The following RIMS1 variants were observed in gnomAD, a reference collection of about 807,000 sequenced individuals.
RIMS1 encodes the protein regulating synaptic membrane exocytosis protein 1.
RIMS1 carries 83 observed loss-of-function variants against 214.1 expected under a neutral mutation model. The ratio of observed to expected loss-of-function variants is 0.39; its 90% CI spans 0.32 to 0.47. The LOEUF (loss-of-function observed/expected upper bound fraction) is 0.47. Among genes scored for constraint, RIMS1 ranks in the 20% least tolerant of loss-of-function variants. RIMS1 has a pLI of 0.99. For synonymous variants in RIMS1, 793 were observed against 786.8 expected, an observed-to-expected ratio of 1.01 and a Z score of -0.13; for missense variants, 2,050 against 2,161.8, an observed-to-expected ratio of 0.95 and a Z score of 1.03.
chr6:72,246,985 A>AGAAAAAAATGT (rs1468804632), intron 11 of RIMS1, among the ~76,000 whole-genome samples: 7 of 152,188 alleles, frequency 4.6e-5, no homozygotes, highest in African/African-American at 1.7e-4. Flanking sequence ...TTGTACTTAT[A>AGAAAAAAATGT]GAAAAAAATG....
intron 8 of RIMS1, 148 bp downstream of exon 8, chr6:72,235,876 A>C (rs1335776345): frequency 1.1e-5 from 4 of 370,292 alleles, no homozygotes; most frequent in African/African-American, 5.3e-5. Context: ...AGGAAAATTG[A>C]ATAAAATTTA....
intron 22 of RIMS1, chr6:72,266,277 G>A (rs902697656): frequency 4.9e-5 from 27 of 550,050 alleles, no homozygotes; most frequent in Non-Finnish European, 6.9e-5. Flanking sequence ...TGCAAATGGC[G>A]TGGTGTAATT....
chr6:72,095,818 C>G lies in RIMS1; in HGVS notation c.246-1131C>G, dbSNP rs76759665. 7.2e-3 allele frequency among the ~76,000 whole-genome samples: 1,089 copies of G among 152,292 alleles called. 12 individuals carry two copies. The highest frequency in any genetic ancestry group is 0.055 in the East Asian group (287 of 5,178). On this transcript the variant is annotated intron_variant, in intron 2 of 33. Transcript: ENST00000521978. Reference sequence around the variant, plus strand: ...AACTAACTGCCTGAATTAACAAAAGCATCTGTGTACTCTGTGTCCTAGGGA... The same window carrying G: ...AACTAACTGCCTGAATTAACAAAAGGATCTGTGTACTCTGTGTCCTAGGGA...
chr6:72,182,756 T>G lies in RIMS1; in HGVS notation c.1285T>G (p.Ser429Ala), dbSNP rs746763027. Reference protein sequence around the residue: ...ASPPDSPRAYSAERTAETRAP... With the variant: ...ASPPDSPRAYAAERTAETRAP... ...GCCGCCGGACTCGCCGCGGGCTTAC[T>G]CGGCTGAGAGAACTGCGGAGACCAG... Residue 429 changes from serine (S) to alanine (A), a missense_variant, in exon 6 of 34, where the codon TCG becomes GCG. Physicochemically the swap from Ser to Ala is moderately conservative, Grantham distance 99 (BLOSUM62 1). This residue lies in a region of RIMS1 where 882 missense variants were observed against 828.9 expected (regional missense o/e 1.06). Coordinates refer to ENST00000521978, the MANE Select transcript of RIMS1 (RefSeq NM_014989.7). 5.8e-5 allele frequency: 89 copies of G among 1,543,432 alleles called. No individual in the cohort carries two copies. Among genetic ancestry groups the G allele is most frequent in the Non-Finnish European group, 7.4e-5 (85 of 1,148,692 alleles).
At chr6:72,190,209 A>C (rs949622823) in intron 6 of RIMS1, among the ~76,000 whole-genome samples, 1 of 152,112 alleles carries the variant, frequency 6.6e-6, no homozygotes, top group East Asian at 1.9e-4. Flanking sequence ...CATGCCTGTA[A>C]TCCCAGCACT....
chr6:72,072,069 G>A (rs1830699498), intron 2 of RIMS1, among the ~76,000 whole-genome samples: 1 of 152,168 alleles, frequency 6.6e-6, no homozygotes, highest in Admixed American at 6.5e-5. Context: ...CTCACAAGGT[G>A]ATTCCCTTAT....
intron 4 of RIMS1, among the ~76,000 whole-genome samples, chr6:72,105,681 T>C (rs112692334): frequency 0.02 from 3,056 of 152,310 alleles, 37 homozygotes; most frequent in Non-Finnish European, 0.029. Context: ...TATATGCATA[T>C]GTATACGTAT....
At chr6:72,229,863 C>A (rs2061410634) in intron 6 of RIMS1, among the ~76,000 whole-genome samples, 1 of 151,704 alleles carries the variant, frequency 6.6e-6, no homozygotes, top group South Asian at 2.1e-4. Flanking sequence ...GTATTTAACT[C>A]ACGTATGCTG....
intron 2 of RIMS1, among the ~76,000 whole-genome samples, chr6:71,972,776 A>C (rs539557894): frequency 6.6e-6 from 1 of 152,334 alleles, no homozygotes; most frequent in Admixed American, 6.5e-5. Flanking sequence ...GGGGAGGAGA[A>C]GATAGATAAT....
chr6:72,199,696 T>A (rs1461857342), intron 6 of RIMS1, among the ~76,000 whole-genome samples: 1 of 152,108 alleles, frequency 6.6e-6, no homozygotes, highest in African/African-American at 2.4e-5. Flanking sequence ...GAGGATTAAG[T>A]ATGTTTAAAT....
chr6:72,380,562 A>G (rs890273600), intron 29 of RIMS1, among the ~76,000 whole-genome samples: 2 of 152,198 alleles, frequency 1.3e-5, no homozygotes, highest in African/African-American at 4.8e-5. Flanking sequence ...CTTAGACCAA[A>G]GAAGAGTAAA....
At chr6:72,124,321 A>G (rs1447004629) in intron 4 of RIMS1, among the ~76,000 whole-genome samples, 2 of 151,890 alleles carry the variant, frequency 1.3e-5, no homozygotes, top group Non-Finnish European at 2.9e-5. Context: ...TCTGGCTTGT[A>G]GAGTTTCTGC....
intron 22 of RIMS1, among the ~76,000 whole-genome samples, chr6:72,269,375 C>T (rs1298725044): frequency 6.6e-6 from 1 of 152,144 alleles, no homozygotes; most frequent in Non-Finnish European, 1.5e-5. Context: ...CCTAGCTCCA[C>T]CTCCAGTTTT....
At chr6:72,003,115 G>A (rs1805901687) in intron 2 of RIMS1, among the ~76,000 whole-genome samples, 1 of 152,094 alleles carries the variant, frequency 6.6e-6, no homozygotes, top group Admixed American at 6.5e-5. Context: ...AGATGAGGGA[G>A]GACTCAAAAT....
chr6:72,033,929 G>A (rs1463578965), intron 2 of RIMS1, among the ~76,000 whole-genome samples: 1 of 152,152 alleles, frequency 6.6e-6, no homozygotes, highest in South Asian at 2.1e-4. Context: ...CCCATAGCCT[G>A]TTTGAATAGT....
chr6:72,370,303 T>C (rs2098175630), intron 29 of RIMS1, among the ~76,000 whole-genome samples: 1 of 152,224 alleles, frequency 6.6e-6, no homozygotes, highest in African/African-American at 2.4e-5. Flanking sequence ...ATCTCAGGTA[T>C]TTCAAGACAC....
intron 29 of RIMS1, among the ~76,000 whole-genome samples, chr6:72,344,473 A>G (rs552259120): frequency 1.4e-4 from 21 of 151,948 alleles, no homozygotes; most frequent in Non-Finnish European, 2.7e-4. Flanking sequence ...AAGTTTCAGA[A>G]ACTGAAAGCT....
chr6:72,263,804 A>AAAACACACAC (rs1420995430), intron 19 of RIMS1: 1 of 120,168 alleles, frequency 8.3e-6, no homozygotes, highest in African/African-American at 8.8e-5. Context: ...TCTCTACTAA[A>AAAACACACAC]ACACACACAC....
intron 2 of RIMS1, among the ~76,000 whole-genome samples, chr6:72,022,491 G>T (rs1469112056): frequency 2.0e-5 from 3 of 152,140 alleles, no homozygotes; most frequent in Admixed American, 1.3e-4. Context: ...TTACATATTT[G>T]TTGTAGTATA....
Sources: allele counts gnomAD v4.1 joint callset (sites outside exome capture counted in the v4.1 genomes callset), GRCh38; gene constraint gnomAD v4.1.1; regional missense constraint gnomAD v4.1.1; transcripts MANE v1.5; gene names NCBI Gene and HGNC (gene_info 2026-07-23, HGNC 2026-07-21).